SECISBP2: variants seen among roughly 807,000 people sequenced by gnomAD.
SECISBP2 encodes selenocysteine insertion sequence-binding protein 2.
A neutral mutation model predicts 98.2 loss-of-function variants in SECISBP2; 96 were observed. The ratio of observed to expected loss-of-function variants is 0.98; its 90% confidence interval spans 0.83 to 1.16. The LOEUF (loss-of-function observed/expected upper bound fraction) is 1.16, where lower values mean the gene tolerates loss of function less well. Among genes scored for constraint, SECISBP2 ranks in the 50% most tolerant of loss-of-function variants. SECISBP2 has a pLI of 0.00. For synonymous variants in SECISBP2, 407 were observed against 370.2 expected (o/e 1.10, Z -1.14); for missense variants, 1,046 against 1,022.9 (o/e 1.02, Z -0.31).
At chr9:89,354,935 C>T in intron 14 of SECISBP2, 6 of 985,414 alleles carry the variant, frequency 6.1e-6, no homozygotes, top group Non-Finnish European at 7.2e-6. Context: ...GAACACTCCA[C>T]CCCACCTCTG....
At chr9:89,339,626 G>A (rs1021542282) in intron 8 of SECISBP2, among the ~76,000 whole-genome samples, 4 of 152,070 alleles carry the variant, frequency 2.6e-5, no homozygotes, top group Admixed American at 1.3e-4. Flanking sequence ...TAGATCCCTC[G>A]GTGTACCAAG....
At chr9:89,326,656 A>G (rs1826756546) in intron 4 of SECISBP2, among the ~76,000 whole-genome samples, 1 of 152,216 alleles carries the variant, frequency 6.6e-6, no homozygotes. Context: ...TGCCTCACTT[A>G]CTGATGGGGA....
intron 9 of SECISBP2, 126 bp downstream of exon 9, chr9:89,340,079 C>T: frequency 1.4e-6 from 1 of 697,756 alleles, no homozygotes; most frequent in South Asian, 1.5e-5. Context: ...TGATTCATTC[C>T]TTCATGAGAG....
chr9:89,350,537 T>G (rs1262428286), intron 13 of SECISBP2, 95 bp from the exon 14 acceptor site: 1 of 1,068,224 alleles, frequency 9.4e-7, no homozygotes, highest in Admixed American at 1.7e-5. Context: ...TTTTGTCTGA[T>G]GCAGTCTACG....
chr9:89,363,388 T>A, downstream of SECISBP2: 1 of 1,593,266 alleles, frequency 6.3e-7, no homozygotes, highest in Non-Finnish European at 8.5e-7. Flanking sequence ...GCCCTGCCCC[T>A]GGCTCCAGCC....
At chr9:89,350,962 G>A (rs1302288636) in intron 14 of SECISBP2, 110 bp downstream of exon 14, 4 of 889,926 alleles carry the variant, frequency 4.5e-6, no homozygotes, top group Admixed American at 2.0e-5. Flanking sequence ...TTGACAACTC[G>A]TTTTCTTTGT....
rs141493175 is a variant in SECISBP2 at position 89,349,004 on chromosome 9, C to A, written c.1739-772C>A. Among the ~76,000 whole-genome samples the A allele has an allele frequency of 4.6e-3, 697 of 152,324 alleles. 5 individuals are homozygous for A. The highest frequency in any genetic ancestry group is 0.016 in the African/African-American group (670 of 41,568). On this transcript the variant is annotated intron_variant, in intron 12 of 16. Transcript: ENST00000375807. The stretch of plus-strand genomic sequence containing the variant: ...GTCTTAAAGGACACAAGCACTCGTT[C>A]CTGTGGGGCATTACCTGGGAGCAGA...
At chr9:89,348,000 T>C in intron 11 of SECISBP2, 79 bp from the exon 12 acceptor site, 2 of 1,408,452 alleles carry the variant, frequency 1.4e-6, no homozygotes, top group Non-Finnish European at 2.0e-6. Flanking sequence ...AAGTTGAACT[T>C]GGGCAGTTTA....
At chr9:89,319,035 A>G in intron 1 of SECISBP2, 2 of 1,019,314 alleles carry the variant, frequency 2.0e-6, no homozygotes, top group Non-Finnish European at 1.2e-6. Flanking sequence ...GATCGCTTGC[A>G]TCATTTTTAG....
intron 2 of SECISBP2, 180 bp from the exon 3 acceptor site, chr9:89,325,247 C>T: frequency 1.6e-6 from 1 of 624,396 alleles, no homozygotes; most frequent in South Asian, 2.0e-5. Context: ...CAACATCTTT[C>T]TTTGCAGGGT....
Position 89,357,640 on chromosome 9 carries a change from C to T in SECISBP2, c.2268+75C>T, listed in dbSNP as rs1832294778. On this transcript the variant is annotated intron_variant, in intron 15 of 16. Coordinates refer to ENST00000375807, the MANE Select transcript of SECISBP2 (RefSeq NM_024077.5). Reference sequence around the variant, plus strand: ...TGGGGGCAGGTGGTCAGTGTGGGCTCACCCACAGAGCAGCCCCAGAACCTC... The same window carrying T: ...TGGGGGCAGGTGGTCAGTGTGGGCTTACCCACAGAGCAGCCCCAGAACCTC... 5.8e-6 allele frequency: 9 copies of T among 1,563,654 alleles called. No individual in the cohort carries two copies. In the South Asian group the frequency reaches 7.8e-5, roughly 14 times the overall value.
chr9:89,330,596 G>A (rs917889373), intron 5 of SECISBP2, among the ~76,000 whole-genome samples: 1 of 152,226 alleles, frequency 6.6e-6, no homozygotes, highest in East Asian at 1.9e-4. Context: ...TTGTGTAGCA[G>A]TTTGCATGCA....
At chr9:89,339,733 A>C in intron 8 of SECISBP2, 131 bp from the exon 9 acceptor site, 3 of 704,996 alleles carry the variant, frequency 4.3e-6, no homozygotes. Flanking sequence ...CTTATGTGAG[A>C]GTTTCGCGGC....
At chr9:89,363,891 G>T (rs367978309), downstream of SECISBP2, 1 of 1,613,954 alleles carries the variant, frequency 6.2e-7, no homozygotes, top group Non-Finnish European at 8.5e-7. Flanking sequence ...GTCTGCACAG[G>T]GACACAGGTC....
chr9:89,363,521 G>A (rs761089060), downstream of SECISBP2: 10 of 1,614,028 alleles, frequency 6.2e-6, no homozygotes, highest in South Asian at 1.1e-5. Context: ...CTCCTGGTGG[G>A]TCACTTCTGG....
At chr9:89,331,494 A>G (rs1827744440) in intron 5 of SECISBP2, among the ~76,000 whole-genome samples, 1 of 152,228 alleles carries the variant, frequency 6.6e-6, no homozygotes, top group Non-Finnish European at 1.5e-5. Flanking sequence ...TCCATTATCT[A>G]CTTAATGGAT....
chr9:89,346,804 C>G, intron 10 of SECISBP2, 78 bp from the exon 11 acceptor site: 2 of 1,580,032 alleles, frequency 1.3e-6, no homozygotes, highest in Non-Finnish European at 1.7e-6. Flanking sequence ...TGAGGCAGCC[C>G]CTGGGCGAGC....
chr9:89,333,457 A>T (rs1336858891), intron 6 of SECISBP2, among the ~76,000 whole-genome samples: 2 of 152,234 alleles, frequency 1.3e-5, no homozygotes, highest in African/African-American at 4.8e-5. Context: ...AAAATTAAAA[A>T]GCTGTAGTGC....
intron 6 of SECISBP2, among the ~76,000 whole-genome samples, chr9:89,333,665 G>A (rs1432290522): frequency 6.6e-6 from 1 of 152,218 alleles, no homozygotes; most frequent in Non-Finnish European, 1.5e-5. Context: ...ACACCTGCAA[G>A]GGTCATGGGA....
Sources: allele counts gnomAD v4.1 joint callset (sites outside exome capture counted in the v4.1 genomes callset), GRCh38; gene constraint gnomAD v4.1.1; transcripts MANE v1.5; gene names NCBI Gene and HGNC (gene_info 2026-07-23, HGNC 2026-07-21).